Variants in CMIP observed in about 807,000 individuals in gnomAD.
CMIP encodes the protein c-Maf inducing protein, also known as C-Maf-inducing protein.
In CMIP, 13 loss-of-function variants were observed where a neutral mutation model predicts 97.3. That is an observed-to-expected ratio of 0.13 (90% CI 0.09 to 0.21). The LOEUF (loss-of-function observed/expected upper bound fraction) is 0.21. Ranked by LOEUF, CMIP falls within the 10% of genes least tolerant of loss-of-function variation. The probability of loss-of-function intolerance (pLI) is 1.00; values close to 1 mark genes in which losing one functional copy is unlikely to be tolerated. For synonymous variants in CMIP, 538 were observed against 436.3 expected (o/e 1.23, Z -2.91); for missense variants, 847 against 1,024.9 (o/e 0.83, Z 2.37).
intron 1 of CMIP, among the ~76,000 whole-genome samples, chr16:81,577,700 CCATCACCAT>C (rs1229525653): frequency 6.7e-6 from 1 of 149,728 alleles, no homozygotes; most frequent in Non-Finnish European, 1.5e-5. Context: ...ATCACTATCA[CCATCACCAT>C]CATCACCATC....
At chr16:81,514,592 C>T (rs757037529) in intron 1 of CMIP, among the ~76,000 whole-genome samples, 5 of 152,090 alleles carry the variant, frequency 3.3e-5, no homozygotes, top group African/African-American at 4.8e-5. Context: ...CTCTCAGCAC[C>T]GCATGGGCAC....
chr16:81,612,480 G>T (rs887390172), intron 2 of CMIP, among the ~76,000 whole-genome samples: 2 of 152,120 alleles, frequency 1.3e-5, no homozygotes, highest in African/African-American at 4.8e-5. Flanking sequence ...GGACTTTTCC[G>T]GTCTGGAAAG....
chr16:81,599,466 G>T (rs1323265966), intron 1 of CMIP, among the ~76,000 whole-genome samples: 1 of 152,238 alleles, frequency 6.6e-6, no homozygotes, highest in Non-Finnish European at 1.5e-5. Flanking sequence ...AGGCCAAGCT[G>T]ATCTATAGGT....
intron 1 of CMIP, among the ~76,000 whole-genome samples, chr16:81,490,947 C>T (rs2089395660): frequency 6.6e-6 from 1 of 152,080 alleles, no homozygotes; most frequent in Non-Finnish European, 1.5e-5. Flanking sequence ...TGTGTAATGC[C>T]AGTTTTTCTC....
At chr16:81,513,405 T>C (rs1276227135) in intron 1 of CMIP, among the ~76,000 whole-genome samples, 1 of 152,222 alleles carries the variant, frequency 6.6e-6, no homozygotes, top group African/African-American at 2.4e-5. Context: ...CGGAAACGGC[T>C]GTTGAGTGAA....
rs146702922 is a variant in CMIP, at chr16:81,532,313, G to A, written c.301-75254G>A. Among the ~76,000 whole-genome samples the A allele has an allele frequency of 7.9e-5, 12 of 152,356 alleles. No homozygotes were observed. In the East Asian group the frequency reaches 1.2e-3, roughly 15 times the overall value. ...TAGGTAGAAGTGTGTGTGCACCTGC[G>A]TGTGCGTGTATGTTCCACACGCTGA... On this transcript the variant is annotated intron_variant, in intron 1 of 20. Transcript: ENST00000537098.
chr16:81,566,401 G>C (rs2090984822), intron 1 of CMIP, among the ~76,000 whole-genome samples: 1 of 152,202 alleles, frequency 6.6e-6, no homozygotes, highest in Non-Finnish European at 1.5e-5. Context: ...CTTCCTGTCT[G>C]CTCTTTCTCA....
At chr16:81,682,384 G>A (rs1332781878) in intron 10 of CMIP, among the ~76,000 whole-genome samples, 1 of 152,020 alleles carries the variant, frequency 6.6e-6, no homozygotes, top group Non-Finnish European at 1.5e-5. Context: ...TACCAACATG[G>A]AGAAACCTCG....
chr16:81,499,611 C>G (rs568657357), intron 1 of CMIP, among the ~76,000 whole-genome samples: 3 of 152,364 alleles, frequency 2.0e-5, no homozygotes, highest in Admixed American at 6.5e-5. Context: ...GCCCCCATCC[C>G]AGCCTCCAAG....
chr16:81,506,253 A>G (rs1028080730), intron 1 of CMIP, among the ~76,000 whole-genome samples: 1 of 152,122 alleles, frequency 6.6e-6, no homozygotes, highest in Admixed American at 6.6e-5. Context: ...CTGAGCCTAC[A>G]CTCAGGACCG....
chr16:81,703,665 C>T (rs979479684), intron 17 of CMIP, among the ~76,000 whole-genome samples: 3 of 152,164 alleles, frequency 2.0e-5, no homozygotes, highest in African/African-American at 4.8e-5. Flanking sequence ...TGGAACACCC[C>T]GCTGGTGCCT....
At chr16:81,480,840 T>C (rs1020742199) in intron 1 of CMIP, among the ~76,000 whole-genome samples, 3 of 152,172 alleles carry the variant, frequency 2.0e-5, no homozygotes, top group Admixed American at 6.5e-5. Flanking sequence ...GCCTCACTTA[T>C]CATGGAGGGA....
rs73596440 is a variant in CMIP, at chr16:81,553,181, A to T, written c.301-54386A>T. ...TCTTCCCTCGTTTTCTTCCACCCTG[A>T]CTGTGGCCTGCTCCGTTTCGCAGAT... On this transcript the variant is annotated intron_variant, in intron 1 of 20. Transcript: ENST00000537098. 6.4e-3 allele frequency among the ~76,000 whole-genome samples: 975 copies of T among 152,144 alleles called. 11 individuals are homozygous for T. Among genetic ancestry groups the T allele is most frequent in the African/African-American group, 0.022 (932 of 41,502 alleles).
At chr16:81,502,356 T>C (rs1449286114) in intron 1 of CMIP, among the ~76,000 whole-genome samples, 2 of 152,190 alleles carry the variant, frequency 1.3e-5, no homozygotes, top group East Asian at 1.9e-4. Flanking sequence ...GATTACATGG[T>C]CAACTTATGT....
intron 1 of CMIP, among the ~76,000 whole-genome samples, chr16:81,550,266 C>T (rs1049291813): frequency 2.6e-5 from 4 of 152,236 alleles, no homozygotes; most frequent in African/African-American, 9.6e-5. Context: ...GAGCCTCAGT[C>T]TTCTCATCCG....
Position 81,710,648 on chromosome 16 carries a change from C to G in CMIP, c.*849C>G, listed in dbSNP as rs1486574184. 1.3e-5 allele frequency: 2 copies of G among 152,264 alleles called. No individual in the cohort carries two copies. Among genetic ancestry groups the G allele is most frequent in the African/African-American group, 2.4e-5 (1 of 41,430 alleles). 9.4% of individuals were successfully genotyped at this position (152,264 alleles called of 1,614,324 possible). ...TGTCTGCCCACTCCCCCACCCACCA[C>G]TGTGCGTTTCTGATTTCCAAATGTC... On this transcript the variant is annotated 3_prime_UTR_variant, in exon 21 of 21. Coordinates refer to ENST00000537098, the MANE Select transcript of CMIP (RefSeq NM_198390.3).
chr16:81,519,873 A>T lies in CMIP; in HGVS notation c.300+74332A>T, dbSNP rs77045493. The T allele has an allele frequency of 2.0e-5, 3 of 152,308 alleles. No individual in the cohort carries two copies. The East Asian group carries it at 5.8e-4, about 29-fold the overall frequency. The allele number at this position is 152,308 out of a possible 1,614,324, so 9.4% of individuals were successfully genotyped here. A position where few individuals can be genotyped will look rare whatever the true frequency, so the allele number is the denominator to read the frequency against. On this transcript the variant is annotated intron_variant, in intron 1 of 20. Transcript: ENST00000537098. ...CAGTGTTGAAGGCTTTGTCATCCTG[A>T]ATGGCGACGAATGGGAAGTGAGCTC...
chr16:81,589,483 G>GGT (rs1241964695), intron 1 of CMIP, among the ~76,000 whole-genome samples: 1 of 141,398 alleles, frequency 7.1e-6, no homozygotes, highest in Non-Finnish European at 1.6e-5. Context: ...GCAGACTTGT[G>GGT]TTTTTTTTTT....
intron 19 of CMIP, among the ~76,000 whole-genome samples, chr16:81,706,099 A>G (rs1908107658): frequency 1.3e-5 from 2 of 152,242 alleles, no homozygotes; most frequent in African/African-American, 4.8e-5. Context: ...GAGGCACAGA[A>G]TTCTCAAGGA....
Sources: gnomAD v4.1 joint callset for allele counts (sites outside exome capture counted in the v4.1 genomes callset) on GRCh38, gnomAD v4.1.1 for gene constraint, MANE v1.5 for transcripts, NCBI Gene and HGNC (gene_info 2026-07-23, HGNC 2026-07-21) for gene names.